Variants in WDR43 observed in about 807,000 individuals in gnomAD.
WDR43 encodes the protein WD repeat-containing protein 43.
Under a neutral mutation model 91.4 loss-of-function variants are expected in WDR43, and 13 were observed. The ratio of observed to expected loss-of-function variants is 0.14; its 90% confidence interval spans 0.09 to 0.23. WDR43 has a LOEUF of 0.23. Among genes scored for constraint, WDR43 ranks in the 10% least tolerant of loss-of-function variants. The probability of loss-of-function intolerance (pLI) is 1.00; values close to 1 mark genes in which losing one functional copy is unlikely to be tolerated. For missense variants in WDR43, 780 were observed against 809.4 expected (o/e 0.96, Z 0.44); for synonymous variants, 331 against 287.9 (o/e 1.15, Z -1.51).
intron 2 of WDR43, among the ~76,000 whole-genome samples, chr2:28,904,217 G>A (rs1020913284): frequency 4.6e-5 from 7 of 152,132 alleles, no homozygotes; most frequent in Non-Finnish European, 8.8e-5. Context: ...TACTGGGATG[G>A]TATGGTAAGG....
chr2:28,898,228 T>C (rs1335338743), intron 1 of WDR43, among the ~76,000 whole-genome samples: 1 of 152,252 alleles, frequency 6.6e-6, no homozygotes, highest in Non-Finnish European at 1.5e-5. Context: ...GCAATTAAGA[T>C]GACCCTATAC....
intron 12 of WDR43, among the ~76,000 whole-genome samples, chr2:28,936,402 A>G (rs770083056): frequency 7.2e-5 from 11 of 152,028 alleles, no homozygotes; most frequent in Non-Finnish European, 1.3e-4. Context: ...GTAAGGGAAA[A>G]CTCTGTACTT....
At chr2:28,939,827 T>A (rs1572603831) in intron 14 of WDR43, among the ~76,000 whole-genome samples, 2 of 151,626 alleles carry the variant, frequency 1.3e-5, no homozygotes, top group South Asian at 4.2e-4. Flanking sequence ...AGGAGTGGAG[T>A]CTGGGCACGG....
intron 3 of WDR43, among the ~76,000 whole-genome samples, chr2:28,907,626 C>T (rs183086157): frequency 6.7e-6 from 1 of 150,204 alleles, no homozygotes; most frequent in Non-Finnish European, 1.5e-5. Flanking sequence ...AAAAAAAAGG[C>T]TGGGCTTGGT....
intron 11 of WDR43, chr2:28,930,250 A>G: frequency 2.7e-6 from 1 of 363,778 alleles, no homozygotes. Context: ...GGCATTTATG[A>G]TTTCTGTGTA....
intron 6 of WDR43, among the ~76,000 whole-genome samples, chr2:28,920,295 A>G (rs6761927): frequency 0.75 from 108,238 of 144,286 alleles, 40,622 homozygotes; most frequent in East Asian, 0.85. Context: ...GTGCGATCTC[A>G]GCTCACTGCA....
At chr2:28,936,208 T>C (rs577366988) in intron 12 of WDR43, among the ~76,000 whole-genome samples, 1 of 152,070 alleles carries the variant, frequency 6.6e-6, no homozygotes, top group South Asian at 2.1e-4. Context: ...AAAAAAAGTA[T>C]ATATAATTTC....
chr2:28,896,039 T>C (rs1406766109), intron 1 of WDR43, among the ~76,000 whole-genome samples: 2 of 152,244 alleles, frequency 1.3e-5, no homozygotes, highest in Non-Finnish European at 1.5e-5. Flanking sequence ...TTTCATAGTT[T>C]ATCCTGTTGA....
chr2:28,947,864 G>GTTTTTTT lies in WDR43; in HGVS notation c.*1104_*1110dup, dbSNP rs11351588. ...AAGCCTTTGCAAATTATCAGTAGTA[G>GTTTTTTT]TTTTTTTTTTTTTTTTTTTTTTTTT... On this transcript the variant is annotated 3_prime_UTR_variant, in exon 18 of 18. Coordinates refer to ENST00000407426, the MANE Select transcript of WDR43 (RefSeq NM_015131.3). 3 of 99,584 alleles carry GTTTTTTT rather than the reference G, an allele frequency of 3.0e-5. No individual in the cohort carries two copies. Among genetic ancestry groups the GTTTTTTT allele is most frequent in the African/African-American group, 4.0e-5 (1 of 25,244 alleles). The allele number at this position is 99,584 out of a possible 1,614,324, so 6.2% of individuals were successfully genotyped here. A position where few individuals can be genotyped will look rare whatever the true frequency, so the allele number is the denominator to read the frequency against.
rs1433840723 is a variant in WDR43 at position 28,902,499 on chromosome 2, TTGC to T, written c.363+378_363+380del. On this transcript the variant is annotated intron_variant, in intron 2 of 17. Coordinates refer to ENST00000407426, the MANE Select transcript of WDR43 (RefSeq NM_015131.3). ...TTTAGGGGCAAGTGTTGTGCTGCTG[TTGC>T]TGTCTCTTGAAGAGTGGCCCCATGG... Among the ~76,000 whole-genome samples the T allele has an allele frequency of 6.6e-5, 10 of 152,358 alleles. No individual in the cohort carries two copies. The East Asian group carries it at 1.7e-3, about 26-fold the overall frequency.
chr2:28,895,113 G>C, intron 1 of WDR43, 190 bp downstream of exon 1: 1 of 478,980 alleles, frequency 2.1e-6, no homozygotes, highest in Non-Finnish European at 3.2e-6. Flanking sequence ...AGGGCAGTGA[G>C]GGAGGGCGCA....
chr2:28,914,861 G>A (rs1265526203), intron 5 of WDR43, among the ~76,000 whole-genome samples: 8 of 152,134 alleles, frequency 5.3e-5, no homozygotes, highest in East Asian at 1.9e-4. Flanking sequence ...CTCAGGAGGC[G>A]GAGGTTGCAG....
chr2:28,917,448 G>A (rs1670934139), intron 5 of WDR43, among the ~76,000 whole-genome samples: 1 of 152,058 alleles, frequency 6.6e-6, no homozygotes, highest in Non-Finnish European at 1.5e-5. Context: ...AAAATCTTAG[G>A]CTTTTTTTGA....
rs763118310 is a variant in WDR43 at position 28,894,887 on chromosome 2, C to G, written c.189C>G (p.Thr63=). 1.9e-6 allele frequency: 3 copies of G among 1,604,748 alleles called. No homozygotes were observed. Among genetic ancestry groups the G allele is most frequent in the Non-Finnish European group, 2.6e-6 (3 of 1,176,142 alleles). The change falls in exon 1 of 18, where the codon ACC becomes ACG. Residue 63 remains threonine, a synonymous_variant. Transcript: ENST00000407426. ...CCGCGCACCTCAGTGGTACCTGCAC[C>G]TGTCTGGCCTGGGCGCCAGCGCGGC... ...VPSAHLSGTC[T]CLAWAPARLQ...
At chr2:28,908,096 G>A (rs954374509) in intron 3 of WDR43, among the ~76,000 whole-genome samples, 3 of 152,190 alleles carry the variant, frequency 2.0e-5, no homozygotes, top group East Asian at 1.9e-4. Context: ...GGGAATGATC[G>A]CAATCATTGA....
chr2:28,946,710 T>TA lies in WDR43; in HGVS notation c.1966dup (p.Thr656AsnfsTer4), dbSNP rs760719140. Reference sequence around the variant, plus strand: ...ATGAAGAAAATGGCGAGGACAGAGATACAGCAAGTGAAAAAGAATTAAATG... The same window carrying TA: ...ATGAAGAAAATGGCGAGGACAGAGATAACAGCAAGTGAAAAAGAATTAAATG... On this transcript the variant is annotated frameshift_variant, in exon 18 of 18. Transcript: ENST00000407426. LOFTEE classifies it high-confidence loss of function. The TA allele has an allele frequency of 6.3e-7, 1 of 1,581,940 alleles. No homozygotes were observed. The highest frequency in any genetic ancestry group is 1.2e-5 in the South Asian group (1 of 86,146).
chr2:28,908,464 A>T (rs1313586676), intron 3 of WDR43, among the ~76,000 whole-genome samples: 6 of 152,174 alleles, frequency 3.9e-5, no homozygotes, highest in Admixed American at 6.5e-5. Context: ...GTTCTGATCC[A>T]GTAGGTCTGG....
At chr2:28,905,419 T>C (rs1374463348) in intron 2 of WDR43, among the ~76,000 whole-genome samples, 1 of 152,200 alleles carries the variant, frequency 6.6e-6, no homozygotes, top group East Asian at 1.9e-4. Context: ...AAGTATTGTT[T>C]ATATGCTATG....
chr2:28,924,891 G>C (rs1671098560), intron 7 of WDR43, 91 bp from the exon 8 acceptor site: 1 of 1,464,276 alleles, frequency 6.8e-7, no homozygotes. Flanking sequence ...GCTAGAGGGG[G>C]GTCACATTTC....
Sources: allele counts gnomAD v4.1 joint callset (sites outside exome capture counted in the v4.1 genomes callset), GRCh38; gene constraint gnomAD v4.1.1; transcripts MANE v1.5; gene names NCBI Gene and HGNC (gene_info 2026-07-23, HGNC 2026-07-21).